The following ULBP3 variants were observed in gnomAD, a reference collection of about 807,000 sequenced individuals.
The protein encoded by ULBP3 is UL16 binding protein 3, also known as UL16-binding protein 3.
ULBP3 carries 25 observed loss-of-function variants against 24.9 expected under a neutral mutation model. The observed-to-expected ratio is 1.00, with a 90% CI of 0.73 to 1.40. The LOEUF is 1.40. ULBP3 is among the 40% of genes most tolerant of loss of function. ULBP3 has a pLI of 0.00. For synonymous variants in ULBP3, 114 were observed against 114.7 expected, an observed-to-expected ratio of 0.99 and a Z score of 0.04; for missense variants, 306 against 307.5, an observed-to-expected ratio of 1.00 and a Z score of 0.04.
intron 3 of ULBP3, among the ~76,000 whole-genome samples, 165 bp downstream of exon 3, chr6:150,065,233 G>A (rs1776327683): frequency 6.6e-6 from 1 of 151,918 alleles, no homozygotes; most frequent in South Asian, 2.1e-4. Flanking sequence ...CCCATGAGGG[G>A]TTCATGTTCT....
chr6:150,063,485 T>C (rs1776301054), intron 4 of ULBP3, 134 bp from the exon 5 acceptor site: 1 of 348,984 alleles, frequency 2.9e-6, no homozygotes, highest in Non-Finnish European at 4.0e-6. Flanking sequence ...CCTCCAACCC[T>C]ACCCCTGGCT....
In ULBP3 at chr6:150,064,707, G is replaced by A; in HGVS notation, c.635C>T (p.Pro212Leu). Residue 212 changes from proline (P) to leucine (L), a missense_variant, in exon 4 of 5, where the codon CCC becomes CTC. By Grantham distance (98) the Pro-to-Leu change is moderately conservative. Coordinates refer to ENST00000367339, the MANE Select transcript of ULBP3 (RefSeq NM_024518.3). ...RKKRLEPTAP[P>L]TMAPGLAQPK... Reference sequence around the variant, plus strand: ...TTGAGCTAAGCCTGGGGCCATGGTGGGTGGTGCTGAAAGGGAAACACAAAA... The same window carrying A: ...TTGAGCTAAGCCTGGGGCCATGGTGAGTGGTGCTGAAAGGGAAACACAAAA... The A allele has an allele frequency of 2.5e-6, 4 of 1,613,994 alleles. No individual in the cohort carries two copies. Among genetic ancestry groups the A allele is most frequent in the Non-Finnish European group, 3.4e-6 (4 of 1,179,894 alleles).
At chr6:150,063,774 A>G (rs961269733) in intron 4 of ULBP3, among the ~76,000 whole-genome samples, 5 of 152,170 alleles carry the variant, frequency 3.3e-5, no homozygotes, top group African/African-American at 1.2e-4. Context: ...AGCTGCACCC[A>G]TAGCTCTGAA....
In ULBP3 at chr6:150,066,099, C is replaced by T. The variant is rs747110297; in HGVS notation, c.152G>A (p.Cys51Tyr). ...CTGATCCACCTGGCTCTGGACCTCACACCACTGTTGCCCATGTCTGGGCAA... is the reference window on the plus strand; with the variant it reads ...CTGATCCACCTGGCTCTGGACCTCATACCACTGTTGCCCATGTCTGGGCAA... ...IHLPRHGQQW[C>Y]EVQSQVDQKN... is the part of the protein sequence containing the mutation. Residue 51 changes from cysteine (C) to tyrosine (Y), a missense_variant, in exon 2 of 5, where the codon TGT becomes TAT. Physicochemically the swap from Cys to Tyr is radical, Grantham distance 194 (BLOSUM62 -2). Coordinates refer to ENST00000367339, the MANE Select transcript of ULBP3 (RefSeq NM_024518.3). 32 of 1,614,076 alleles carry T rather than the reference C, an allele frequency of 2.0e-5. No individual in the cohort carries two copies. Among genetic ancestry groups the T allele is most frequent in the Non-Finnish European group, 2.6e-5 (31 of 1,180,058 alleles).
chr6:150,063,386 G>A (rs1281226551), intron 4 of ULBP3, 35 bp from the exon 5 acceptor site: 18 of 974,438 alleles, frequency 1.8e-5, no homozygotes, highest in Non-Finnish European at 2.2e-5. Flanking sequence ...TTAAGTGGCT[G>A]AGAAAAACCT....
At chr6:150,066,671 C>T (rs911968982) in intron 1 of ULBP3, among the ~76,000 whole-genome samples, 4 of 152,164 alleles carry the variant, frequency 2.6e-5, no homozygotes, top group African/African-American at 2.4e-5. Flanking sequence ...CCAGGTCTTA[C>T]GTGGCAGGTT....
In ULBP3 at chr6:150,061,994, T is replaced by A. The variant is rs1210273268; in HGVS notation, c.*1380A>T. 6.6e-6 allele frequency among the ~76,000 whole-genome samples: 1 copy of A among 152,240 alleles called. No individual in the cohort carries two copies. Among genetic ancestry groups the A allele is most frequent in the African/African-American group, 2.4e-5 (1 of 41,468 alleles). ...CTGATGATTAGTGATATTGAGCATT[T>A]TTTCACGTTTGTTGGCCACTTGTAT... On this transcript the variant is annotated 3_prime_UTR_variant, in exon 5 of 5. Coordinates refer to ENST00000367339, the MANE Select transcript of ULBP3 (RefSeq NM_024518.3).
rs1478456965 is a variant in ULBP3, at chr6:150,063,153, G to A, written c.*221C>T. On this transcript the variant is annotated 3_prime_UTR_variant, in exon 5 of 5. Transcript: ENST00000367339. ...AAAAAAAAAAGAAAAATGGCTGCTG[G>A]GATCATGAGCGAAGGTAATGAGTGG... The A allele has an allele frequency of 6.6e-6, 1 of 152,090 alleles. No homozygotes were observed. The highest frequency in any genetic ancestry group is 1.5e-5 in the Non-Finnish European group (1 of 68,696). The allele number at this position is 152,090 out of a possible 1,614,324, so 9.4% of individuals were successfully genotyped here. A position where few individuals can be genotyped will look rare whatever the true frequency, so the allele number is the denominator to read the frequency against.
Position 150,069,075 on chromosome 6 carries a change from A to G in ULBP3, c.-9T>C. On this transcript the variant is annotated 5_prime_UTR_variant, in exon 1 of 5. Coordinates refer to ENST00000367339, the MANE Select transcript of ULBP3 (RefSeq NM_024518.3). ...CTGGCGGCCGCTGCCATTGTAGACC[A>G]GGAGCGCCCGGGACACAAGGCGCAG... is the stretch of plus-strand genomic sequence containing the variant. The G allele has an allele frequency of 6.2e-7, 1 of 1,609,840 alleles. No homozygotes were observed.
chr6:150,065,628 T>G lies in ULBP3; in HGVS notation c.398A>C (p.Asp133Ala). 1 of 1,614,164 alleles carries G rather than the reference T, an allele frequency of 6.2e-7. No homozygotes were observed. The highest frequency in any genetic ancestry group is 8.5e-7 in the Non-Finnish European group (1 of 1,180,018). Residue 133 changes from aspartate to alanine, a missense_variant, in exon 3 of 5, where the codon GAT becomes GCT. Coordinates refer to ENST00000367339, the MANE Select transcript of ULBP3 (RefSeq NM_024518.3). ...CTGCCAAGATCCACGGATGTATCCA[T>G]CGGCTTCACACTCACAAGACATCCT... ...QVRMSCECEADGYIRGSWQFS... is the reference protein window; with the variant it reads ...QVRMSCECEAAGYIRGSWQFS...
intron 3 of ULBP3, 106 bp from the exon 4 acceptor site, chr6:150,064,819 G>C: frequency 8.1e-7 from 1 of 1,231,988 alleles, no homozygotes; most frequent in Non-Finnish European, 1.2e-6. Context: ...CAGAGGATTT[G>C]TCTCCCCTGC....
At position 150,069,022 on chromosome 6, in the gene ULBP3, A is replaced by G; in HGVS notation, c.45T>C (p.Ile15=). The G allele has an allele frequency of 1.2e-6, 2 of 1,612,294 alleles. No homozygotes were observed. ...ASPAILPRLA[I]LPYLLFDWSG... is the part of the protein sequence containing the mutation. ...ACCAGTCGAATAGCAGGTACGGAAGAATCGCGAGGCGCGGAAGGATCGCGG... is the reference window on the plus strand; with the variant it reads ...ACCAGTCGAATAGCAGGTACGGAAGGATCGCGAGGCGCGGAAGGATCGCGG... The change falls in exon 1 of 5, where the codon ATT becomes ATC. Residue 15 remains isoleucine (I), a synonymous_variant. Transcript: ENST00000367339.
intron 3 of ULBP3, 71 bp downstream of exon 3, chr6:150,065,327 C>G: frequency 1.3e-6 from 2 of 1,586,640 alleles, no homozygotes; most frequent in Non-Finnish European, 1.7e-6. Context: ...CCACCATACT[C>G]AGACACTGAC....
Position 150,061,490 on chromosome 6 carries a change from A to G in ULBP3, c.*1884T>C, listed in dbSNP as rs1460813049. On this transcript the variant is annotated 3_prime_UTR_variant, in exon 5 of 5. Coordinates refer to ENST00000367339, the MANE Select transcript of ULBP3 (RefSeq NM_024518.3). ...TTCAATGTGTAGCTGCCACTTTCCA[A>G]TGGGAACATGCAGTATGTAGTTTTC... 6.6e-6 allele frequency among the ~76,000 whole-genome samples: 1 copy of G among 152,178 alleles called. No individual in the cohort carries two copies. The highest frequency in any genetic ancestry group is 2.4e-5 in the African/African-American group (1 of 41,440).
chr6:150,068,780 C>G (rs921997506), intron 1 of ULBP3, among the ~76,000 whole-genome samples, 199 bp downstream of exon 1: 6 of 152,218 alleles, frequency 3.9e-5, no homozygotes, highest in African/African-American at 9.6e-5. Flanking sequence ...CTTTGACCCC[C>G]CTCCTGCTCT....
chr6:150,064,660 G>A lies in ULBP3; in HGVS notation c.682C>T (p.Leu228Phe), dbSNP rs1381339101. 1.2e-6 allele frequency: 2 copies of A among 1,614,058 alleles called. No individual in the cohort carries two copies. The highest frequency in any genetic ancestry group is 2.2e-5 in the East Asian group (1 of 44,894). ...LAQPKAIATT[L>F]SPWSFLIILC... ...ATGATGAGGAAGCTCCAGGGACTGA[G>A]GGTGGTGGCTATGGCTTTGGGTTGA... The change falls in exon 4 of 5, where the codon CTC becomes TTC. Residue 228 changes from leucine to phenylalanine, a missense_variant. Coordinates refer to ENST00000367339, the MANE Select transcript of ULBP3 (RefSeq NM_024518.3).
At position 150,064,707 on chromosome 6, in the gene ULBP3, G is replaced by T. The variant is rs1302504070; in HGVS notation, c.635C>A (p.Pro212His). 1.2e-6 allele frequency: 2 copies of T among 1,613,994 alleles called. No individual in the cohort carries two copies. The highest frequency in any genetic ancestry group is 1.7e-6 in the Non-Finnish European group (2 of 1,179,894). Residue 212 changes from proline to histidine, a missense_variant, in exon 4 of 5, where the codon CCC (proline) becomes CAC (histidine). Coordinates refer to ENST00000367339, the MANE Select transcript of ULBP3 (RefSeq NM_024518.3). ...TTGAGCTAAGCCTGGGGCCATGGTGGGTGGTGCTGAAAGGGAAACACAAAA... is the reference window on the plus strand; with the variant it reads ...TTGAGCTAAGCCTGGGGCCATGGTGTGTGGTGCTGAAAGGGAAACACAAAA... ...RKKRLEPTAPPTMAPGLAQPK... is the reference protein window; with the variant it reads ...RKKRLEPTAPHTMAPGLAQPK...
In ULBP3 at chr6:150,066,005, C is replaced by T. The variant is rs140758143; in HGVS notation, c.246G>A (p.Leu82=). The T allele has an allele frequency of 6.2e-7, 1 of 1,614,232 alleles. No individual in the cohort carries two copies. The highest frequency in any genetic ancestry group is 8.5e-7 in the Non-Finnish European group (1 of 1,180,056). The stretch of plus-strand genomic sequence containing the variant: ...GTTTTCCCCAGGCATCTGTGGCATA[C>T]AGCTGCTCTTCTAGGTGACCCATAG... ...VLSMGHLEEQ[L]YATDAWGKQL... Residue 82 remains leucine (L), a synonymous_variant, in exon 2 of 5, where the codon CTG becomes CTA. Transcript: ENST00000367339.
chr6:150,067,549 A>C (rs1776365313), intron 1 of ULBP3, among the ~76,000 whole-genome samples: 1 of 152,324 alleles, frequency 6.6e-6, no homozygotes, highest in East Asian at 1.9e-4. Flanking sequence ...TCATAGACCC[A>C]TTCAATGGTA....
Sources: gnomAD v4.1 joint callset for allele counts (sites outside exome capture counted in the v4.1 genomes callset) on GRCh38, gnomAD v4.1.1 for gene constraint, MANE v1.5 for transcripts, NCBI Gene and HGNC (gene_info 2026-07-23, HGNC 2026-07-21) for gene names.